Variants in CTDSPL2 observed in about 807,000 individuals in gnomAD.
CTDSPL2 encodes CTD small phosphatase like 2.
A neutral mutation model predicts 60.0 loss-of-function variants in CTDSPL2; 5 were observed. That is an observed-to-expected ratio of 0.08 (90% CI 0.04 to 0.18). The LOEUF (loss-of-function observed/expected upper bound fraction) is 0.18, where lower values mean the gene tolerates loss of function less well. Ranked by LOEUF, CTDSPL2 falls within the 10% of genes least tolerant of loss-of-function variation. CTDSPL2 has a pLI of 1.00. For synonymous variants in CTDSPL2, 186 were observed against 189.3 expected (o/e 0.98, Z 0.14); for missense variants, 370 against 548.8 (o/e 0.67, Z 3.26).
intron 1 of CTDSPL2, among the ~76,000 whole-genome samples, chr15:44,433,292 C>G (rs1308261978): frequency 7.0e-6 from 1 of 142,896 alleles, no homozygotes; most frequent in African/African-American, 2.6e-5. Context: ...GCACTCCAGT[C>G]TTCCAGCCTG....
chr15:44,488,358 T>C (rs1209330779), intron 4 of CTDSPL2, among the ~76,000 whole-genome samples: 1 of 152,056 alleles, frequency 6.6e-6, no homozygotes, highest in Non-Finnish European at 1.5e-5. Flanking sequence ...GATCAGAGGA[T>C]AGAAAATAGA....
chr15:44,465,316 A>G (rs1373787426), intron 2 of CTDSPL2, among the ~76,000 whole-genome samples: 3 of 152,198 alleles, frequency 2.0e-5, no homozygotes, highest in African/African-American at 4.8e-5. Context: ...TATTTTTCCA[A>G]ATATGGCATT....
At chr15:44,455,080 G>C (rs2080406990) in intron 1 of CTDSPL2, among the ~76,000 whole-genome samples, 1 of 152,110 alleles carries the variant, frequency 6.6e-6, no homozygotes, top group Non-Finnish European at 1.5e-5. Context: ...TCTTCCATTT[G>C]TTTGTGTCTT....
chr15:44,499,871 A>T (rs1595762782), intron 8 of CTDSPL2, 58 bp downstream of exon 8: 2 of 963,960 alleles, frequency 2.1e-6, no homozygotes, highest in Admixed American at 3.9e-5. Flanking sequence ...GATAAAAAAA[A>T]CTTTTGTATT....
chr15:44,433,797 A>C (rs1344842086), intron 1 of CTDSPL2, among the ~76,000 whole-genome samples: 1 of 151,814 alleles, frequency 6.6e-6, no homozygotes, highest in Non-Finnish European at 1.5e-5. Context: ...TAAAAATACA[A>C]AAAAAATTAG....
chr15:44,430,064 A>T (rs889051997), intron 1 of CTDSPL2, among the ~76,000 whole-genome samples: 1 of 152,184 alleles, frequency 6.6e-6, no homozygotes, highest in Non-Finnish European at 1.5e-5. Context: ...GAAATTAAGA[A>T]TTGGGGAAGT....
At chr15:44,461,366 T>C (rs2080564896) in intron 2 of CTDSPL2, among the ~76,000 whole-genome samples, 1 of 152,140 alleles carries the variant, frequency 6.6e-6, no homozygotes, top group South Asian at 2.1e-4. Flanking sequence ...ACACATATTT[T>C]GTATGTTATG....
intron 2 of CTDSPL2, among the ~76,000 whole-genome samples, chr15:44,468,055 G>A (rs1245209260): frequency 6.6e-6 from 1 of 152,084 alleles, no homozygotes; most frequent in Non-Finnish European, 1.5e-5. Context: ...AGATTAAGCT[G>A]GTGCCATAAA....
At chr15:44,445,006 A>AT (rs910912415) in intron 1 of CTDSPL2, among the ~76,000 whole-genome samples, 5 of 149,410 alleles carry the variant, frequency 3.3e-5, no homozygotes, top group African/African-American at 4.9e-5. Flanking sequence ...CACCTGGCTA[A>AT]TTTTTTTTAT....
chr15:44,446,869 C>G (rs1364507807), intron 1 of CTDSPL2, among the ~76,000 whole-genome samples: 1 of 150,406 alleles, frequency 6.6e-6, no homozygotes. Context: ...ATTCTCCTGC[C>G]TCAGCCTCCC....
chr15:44,508,452 T>C (rs1376580218), intron 8 of CTDSPL2, among the ~76,000 whole-genome samples: 1 of 152,154 alleles, frequency 6.6e-6, no homozygotes, highest in African/African-American at 2.4e-5. Flanking sequence ...TTAATTCTTC[T>C]TGCTTAATTA....
At chr15:44,482,857 A>C (rs893670405) in intron 2 of CTDSPL2, among the ~76,000 whole-genome samples, 1 of 152,240 alleles carries the variant, frequency 6.6e-6, no homozygotes, top group African/African-American at 2.4e-5. Context: ...TATATGTATC[A>C]ATTATATATA....
intron 4 of CTDSPL2, 38 bp downstream of exon 4, chr15:44,486,738 TA>T: frequency 1.5e-6 from 2 of 1,327,938 alleles, no homozygotes; most frequent in South Asian, 2.9e-5. Context: ...GGATTTTTTT[TA>T]AAAAAATGCA....
At chr15:44,515,115 G>T (rs182945310) in intron 10 of CTDSPL2, among the ~76,000 whole-genome samples, 7 of 152,024 alleles carry the variant, frequency 4.6e-5, no homozygotes, top group African/African-American at 1.7e-4. Flanking sequence ...ACGGGGGTTG[G>T]GGGGGTTGTG....
chr15:44,434,706 A>C (rs919310111), intron 1 of CTDSPL2, among the ~76,000 whole-genome samples: 2 of 151,666 alleles, frequency 1.3e-5, no homozygotes, highest in Non-Finnish European at 2.9e-5. Flanking sequence ...GGCCAAAAAC[A>C]CATTCTTTTC....
chr15:44,440,584 G>A (rs1023562678), intron 1 of CTDSPL2, among the ~76,000 whole-genome samples: 13 of 151,964 alleles, frequency 8.6e-5, no homozygotes, highest in Admixed American at 2.6e-4. Flanking sequence ...GGTTATTTGC[G>A]TCTTTTTTTC....
At chr15:44,469,156 A>G (rs1182548049) in intron 2 of CTDSPL2, among the ~76,000 whole-genome samples, 1 of 152,176 alleles carries the variant, frequency 6.6e-6, no homozygotes, top group Non-Finnish European at 1.5e-5. Context: ...AAAAAACAGT[A>G]TATGTAGTGT....
At chr15:44,509,705 G>A (rs1297196662) in intron 8 of CTDSPL2, among the ~76,000 whole-genome samples, 1 of 151,854 alleles carries the variant, frequency 6.6e-6, no homozygotes, top group Non-Finnish European at 1.5e-5. Flanking sequence ...CCAGGACTTT[G>A]GGAGGCCAAG....
chr15:44,501,630 T>C (rs970273645), intron 8 of CTDSPL2, among the ~76,000 whole-genome samples: 5 of 152,168 alleles, frequency 3.3e-5, no homozygotes, highest in African/African-American at 1.2e-4. Flanking sequence ...CTTTTTCTTA[T>C]GTATTCTGAG....
Sources: gnomAD v4.1 joint callset for allele counts (sites outside exome capture counted in the v4.1 genomes callset) on GRCh38, gnomAD v4.1.1 for gene constraint, MANE v1.5 for transcripts, NCBI Gene and HGNC (gene_info 2026-07-23, HGNC 2026-07-21) for gene names.